Variants in STARD13 observed in about 807,000 individuals in gnomAD.
STARD13 encodes StAR related lipid transfer domain containing 13.
A neutral mutation model predicts 106.4 loss-of-function variants in STARD13; 62 were observed. The ratio of observed to expected loss-of-function variants is 0.58; its 90% confidence interval spans 0.48 to 0.72. The LOEUF (loss-of-function observed/expected upper bound fraction) is 0.72. Among genes scored for constraint, STARD13 ranks in the 30% least tolerant of loss-of-function variants. STARD13 has a pLI of 0.00. For missense variants in STARD13, 1,387 were observed against 1,424.0 expected (o/e 0.97, Z 0.42); for synonymous variants, 565 against 553.0 (o/e 1.02, Z -0.31).
chr13:33,142,503 G>A, intron 3 of STARD13, 130 bp from the exon 4 acceptor site: 2 of 773,450 alleles, frequency 2.6e-6, no homozygotes, highest in East Asian at 2.7e-5. Context: ...AGACAGTACT[G>A]CACCCACAGA....
chr13:33,471,082 T>A, the STARD13 span, among the ~76,000 whole-genome samples: 4 of 152,222 alleles, frequency 2.6e-5, no homozygotes, highest in Admixed American at 2.6e-4. Context: ...CTTTAATCCA[T>A]CTTGAATTAA....
the STARD13 span, among the ~76,000 whole-genome samples, chr13:33,357,643 G>A: frequency 6.6e-6 from 1 of 152,184 alleles, no homozygotes; most frequent in Non-Finnish European, 1.5e-5. Context: ...ATAAGTTGCG[G>A]AACCAAGACT....
intron 4 of STARD13, among the ~76,000 whole-genome samples, chr13:33,140,256 T>A (rs1879638839): frequency 6.6e-6 from 1 of 152,224 alleles, no homozygotes; most frequent in Non-Finnish European, 1.5e-5. Context: ...CATTTTCTTT[T>A]GTGATGCAGT....
the STARD13 span, among the ~76,000 whole-genome samples, chr13:33,432,375 T>G: frequency 6.6e-6 from 1 of 152,168 alleles, no homozygotes; most frequent in Non-Finnish European, 1.5e-5. Context: ...GTGATTTTTT[T>G]TAACATCTGC....
At chr13:33,599,048 T>TA in the STARD13 span, among the ~76,000 whole-genome samples, 1 of 152,092 alleles carries the variant, frequency 6.6e-6, no homozygotes, top group Admixed American at 6.6e-5. Context: ...AGTTTCAATT[T>TA]AAAAAAAATT....
At chr13:33,137,564 T>C (rs1247523439) in intron 4 of STARD13, among the ~76,000 whole-genome samples, 2 of 152,208 alleles carry the variant, frequency 1.3e-5, no homozygotes, top group African/African-American at 4.8e-5. Context: ...AGCTCCTAGC[T>C]TATCATATGG....
At chr13:33,133,028 T>C (rs1002094004) in intron 4 of STARD13, among the ~76,000 whole-genome samples, 1 of 151,990 alleles carries the variant, frequency 6.6e-6, no homozygotes. Context: ...ATAAGGACTA[T>C]GAAAAAGCCC....
At chr13:33,431,675 T>G in the STARD13 span, among the ~76,000 whole-genome samples, 1 of 152,322 alleles carries the variant, frequency 6.6e-6, no homozygotes, top group African/African-American at 2.4e-5. Flanking sequence ...ACGTGCAAAA[T>G]TTAACACACC....
the STARD13 span, among the ~76,000 whole-genome samples, chr13:33,578,407 T>C: frequency 1.3e-5 from 2 of 152,108 alleles, no homozygotes; most frequent in Admixed American, 6.6e-5. Flanking sequence ...AAGGACATCC[T>C]ATTCAATAAA....
the STARD13 span, among the ~76,000 whole-genome samples, chr13:33,597,513 T>C: frequency 6.6e-6 from 1 of 152,090 alleles, no homozygotes; most frequent in Admixed American, 6.5e-5. Context: ...TATTCTACTA[T>C]GTGTTGGGCA....
At chr13:33,473,863 G>A in the STARD13 span, among the ~76,000 whole-genome samples, 2,021 of 152,230 alleles carry the variant, frequency 0.013, 48 homozygotes, top group African/African-American at 0.046. Context: ...AGCAGGATCT[G>A]CTCCTCTCGA....
At chr13:33,584,007 G>C in the STARD13 span, among the ~76,000 whole-genome samples, 1 of 152,044 alleles carries the variant, frequency 6.6e-6, no homozygotes, top group African/African-American at 2.4e-5. Flanking sequence ...AGATCAAATC[G>C]TAATTCTATC....
At chr13:33,354,316 T>G (rs1338632028), upstream of STARD13, among the ~76,000 whole-genome samples, 5 of 152,334 alleles carry the variant, frequency 3.3e-5, no homozygotes, top group African/African-American at 1.2e-4. Flanking sequence ...TTACCCTAAT[T>G]TTTTTGTTCT....
the STARD13 span, among the ~76,000 whole-genome samples, chr13:33,518,126 A>T: frequency 2.6e-5 from 4 of 152,270 alleles, no homozygotes; most frequent in East Asian, 7.7e-4. Flanking sequence ...AGGAGCACAG[A>T]CTTCTAGACA....
At chr13:33,163,605 A>AAC (rs1555239808) in intron 3 of STARD13, among the ~76,000 whole-genome samples, 112 of 97,540 alleles carry the variant, frequency 1.1e-3, no homozygotes, top group Middle Eastern at 5.2e-3. Context: ...AAAAAAAAAA[A>AAC]ATATATATAT....
chr13:33,468,677 G>A, the STARD13 span, among the ~76,000 whole-genome samples: 1 of 148,324 alleles, frequency 6.7e-6, no homozygotes, highest in African/African-American at 2.5e-5. Flanking sequence ...TCTTGATCTT[G>A]CCCAGATCAA....
At chr13:33,561,761 A>G in the STARD13 span, among the ~76,000 whole-genome samples, 1 of 146,972 alleles carries the variant, frequency 6.8e-6, no homozygotes, top group African/African-American at 2.5e-5. Context: ...AGTACAGCAC[A>G]GAGATAATTT....
chr13:33,135,642 C>T (rs1275333432), intron 4 of STARD13, among the ~76,000 whole-genome samples: 3 of 151,814 alleles, frequency 2.0e-5, no homozygotes, highest in Non-Finnish European at 4.4e-5. Context: ...AATGGAATAC[C>T]CTAAAGTAGT....
chr13:33,415,483 T>C, the STARD13 span, among the ~76,000 whole-genome samples: 2 of 152,240 alleles, frequency 1.3e-5, no homozygotes, highest in Non-Finnish European at 2.9e-5. Flanking sequence ...ATTGTTTTAC[T>C]GGTTTCTACA....
Sources: gnomAD v4.1 joint callset for allele counts (sites outside exome capture counted in the v4.1 genomes callset) on GRCh38, gnomAD v4.1.1 for gene constraint, MANE v1.5 for transcripts, NCBI Gene and HGNC (gene_info 2026-07-23, HGNC 2026-07-21) for gene names.